Variants in NEK8 observed in about 807,000 individuals in gnomAD.
The protein encoded by NEK8 is NIMA related kinase 8.
Under a neutral mutation model 77.2 loss-of-function variants are expected in NEK8, and 51 were observed. The observed-to-expected ratio is 0.66, with a 90% CI of 0.53 to 0.83. The LOEUF (loss-of-function observed/expected upper bound fraction) is 0.83, where lower values mean the gene tolerates loss of function less well. NEK8 is among the 40% of genes least tolerant of loss of function. The probability of loss-of-function intolerance (pLI) is 0.00; values close to 1 mark genes in which losing one functional copy is unlikely to be tolerated. For missense variants in NEK8, 787 were observed against 909.2 expected (o/e 0.87, Z 1.73); for synonymous variants, 365 against 363.2 (o/e 1.00, Z -0.06).
Position 28,737,934 on chromosome 17 carries a change from C to G in NEK8, c.1005C>G (p.Val335=), listed in dbSNP as rs1307176107. ...TGCCAATGCTCAACACAGAGGTGGT[C>G]CAGGTGGCAGCTGGGCGCACGCAGA... The part of the protein sequence containing the change: ...LRLPMLNTEV[V]QVAAGRTQKA... The change falls in exon 7 of 15, where the codon GTC becomes GTG. Residue 335 remains valine, a synonymous_variant. Transcript: ENST00000268766. The surrounding 1 kb of genome is among the most constrained non-coding windows in gnomAD (Gnocchi z 4.8). 6.2e-7 allele frequency: 1 copy of G among 1,613,206 alleles called. No individual in the cohort carries two copies.
In NEK8 at chr17:28,740,887, A is replaced by T; in HGVS notation, c.1634A>T (p.Glu545Val). The change falls in exon 12 of 15, where the codon GAG becomes GTG. Residue 545 changes from glutamate (E) to valine (V), a missense_variant. Glu to Val is a moderately radical substitution (Grantham distance 121, BLOSUM62 -2). This residue lies in a region of NEK8 where 516 missense variants were observed against 544.0 expected (regional missense o/e 0.95). Coordinates refer to ENST00000268766, the MANE Select transcript of NEK8 (RefSeq NM_178170.3). This position sits in a 1 kb window ranked among gnomAD's most constrained non-coding sequence, Gnocchi z 4.7. Reference sequence around the variant, plus strand: ...GAGCCTGTCCCCCACCAGCAAGTGGAGGAGGCCCTGAGCTTCACACTACTA... The same window carrying T: ...GAGCCTGTCCCCCACCAGCAAGTGGTGGAGGCCCTGAGCTTCACACTACTA... ...GEEPVPHQQVEEALSFTLLGS... is the reference protein window; with the variant it reads ...GEEPVPHQQVVEALSFTLLGS... The T allele has an allele frequency of 6.2e-7, 1 of 1,614,006 alleles. No individual in the cohort carries two copies. Among genetic ancestry groups the T allele is most frequent in the East Asian group, 2.2e-5 (1 of 44,880 alleles).
intron 4 of NEK8, 140 bp downstream of exon 4, chr17:28,735,511 G>T: frequency 1.1e-6 from 1 of 927,874 alleles, no homozygotes; most frequent in Non-Finnish European, 1.6e-6. Flanking sequence ...AGGGCTATGG[G>T]TGTCCCTCAG....
intron 4 of NEK8, among the ~76,000 whole-genome samples, chr17:28,735,966 C>T (rs896751365): frequency 7.0e-6 from 1 of 142,536 alleles, no homozygotes; most frequent in African/African-American, 2.6e-5. Flanking sequence ...GTGATGTTCC[C>T]CTTCCTGTGT....
chr17:28,738,159 A>G lies in NEK8; in HGVS notation c.1136A>G (p.Gln379Arg). 6.2e-7 allele frequency: 1 copy of G among 1,614,102 alleles called. No homozygotes were observed. The highest frequency in any genetic ancestry group is 8.5e-7 in the Non-Finnish European group (1 of 1,179,970). The change falls in exon 8 of 15, where the codon CAG becomes CGG. Residue 379 changes from glutamine (Q) to arginine (R), a missense_variant. Coordinates refer to ENST00000268766, the MANE Select transcript of NEK8 (RefSeq NM_178170.3). ...LPGAVEQPQP[Q>R]FISRFLEGQS... ...GGGGCAGTGGAGCAGCCACAGCCCC[A>G]GTTCATCTCGCGTTTCCTGGAGGGC...
In NEK8 at chr17:28,733,987, GTGCACCTGTGCC is replaced by G. The variant is rs1222524120; in HGVS notation, c.56_67del (p.His19_Leu22del). ...CCCTGTCCTCCGTATCCCTAGGATT[GTGCACCTGTGCC>G]TGCGAAAGGCTGACCAGAAGCTGGT... On this transcript the variant is annotated inframe_deletion, in exon 2 of 15. Coordinates refer to ENST00000268766, the MANE Select transcript of NEK8 (RefSeq NM_178170.3). 1.9e-6 allele frequency: 3 copies of G among 1,613,998 alleles called. No homozygotes were observed. The highest frequency in any genetic ancestry group is 2.5e-6 in the Non-Finnish European group (3 of 1,179,982).
chr17:28,740,274 A>G lies in NEK8; in HGVS notation c.1418-189A>G, dbSNP rs929748012. ...ACTCCAGCCTTGGCGACAGAGTGAG[A>G]CTCAGTCTCGAAAAATAAAAATAAA... On this transcript the variant is annotated intron_variant, in intron 10 of 14. Transcript: ENST00000268766. The surrounding 1 kb of genome is among the most constrained non-coding windows in gnomAD (Gnocchi z 4.7). Among the ~76,000 whole-genome samples the G allele has an allele frequency of 6.6e-6, 1 of 152,112 alleles. No individual in the cohort carries two copies. Among genetic ancestry groups the G allele is most frequent in the Admixed American group, 6.5e-5 (1 of 15,276 alleles).
chr17:28,742,054 G>C lies in NEK8; in HGVS notation c.*67G>C. 1 of 1,475,342 alleles carries C rather than the reference G, an allele frequency of 6.8e-7. No homozygotes were observed. The highest frequency in any genetic ancestry group is 9.5e-7 in the Non-Finnish European group (1 of 1,053,376). 91.4% of individuals were successfully genotyped at this position (1,475,342 alleles called of 1,614,324 possible). ...CCTCTGAATGCTCTGAAAAGTGCAG[G>C]TGCCCAAGGCATGACTTGCAGCTGT... On this transcript the variant is annotated 3_prime_UTR_variant, in exon 15 of 15. Coordinates refer to ENST00000268766, the MANE Select transcript of NEK8 (RefSeq NM_178170.3).
Position 28,734,868 on chromosome 17 carries a change from A to C in NEK8, c.350A>C (p.His117Pro). ...HFFVQILLALHHVHTHLILHR... is the reference protein window; with the variant it reads ...HFFVQILLALPHVHTHLILHR... ...TTCGTGCAGATCCTGCTTGCACTGC[A>C]TCATGTGCACACCCACCTCATCCTG... The change falls in exon 3 of 15, where the codon CAT (histidine) becomes CCT (proline). Residue 117 changes from histidine (H) to proline (P), a missense_variant. His to Pro is a moderately conservative substitution (Grantham distance 77). This residue lies in a region of NEK8 where 271 missense variants were observed against 365.1 expected (regional missense o/e 0.74). Coordinates refer to ENST00000268766, the MANE Select transcript of NEK8 (RefSeq NM_178170.3). 1 of 1,613,884 alleles carries C rather than the reference A, an allele frequency of 6.2e-7. No homozygotes were observed. Among genetic ancestry groups the C allele is most frequent in the Non-Finnish European group, 8.5e-7 (1 of 1,179,976 alleles).
Position 28,739,198 on chromosome 17 carries a change from A to G in NEK8, c.1414A>G (p.Ser472Gly), listed in dbSNP as rs2034396792. 2 of 1,610,514 alleles carry G rather than the reference A, an allele frequency of 1.2e-6. No homozygotes were observed. The highest frequency in any genetic ancestry group is 1.7e-6 in the Non-Finnish European group (2 of 1,176,756). Residue 472 changes from serine (S) to glycine (G), a missense_variant, in exon 10 of 15, where the codon AGC becomes GGC. Physicochemically the swap from Ser to Gly is moderately conservative, Grantham distance 56 (BLOSUM62 0). Around this residue, in one of 2 missense-constraint regions of NEK8, gnomAD observed 516 missense variants for 544.0 expected, o/e 0.95. Coordinates refer to ENST00000268766, the MANE Select transcript of NEK8 (RefSeq NM_178170.3). The stretch of plus-strand genomic sequence containing the variant: ...ACTATTTGCCTGGGGCCGTGGAGAC[A>G]GCGGTAAGCTCCAGCCTTTAGGCCC... ...RELFAWGRGD[S>G]GRLGLGTRES...
chr17:28,734,728 A>T, intron 2 of NEK8, 44 bp from the exon 3 acceptor site: 1 of 1,317,172 alleles, frequency 7.6e-7, no homozygotes, highest in Non-Finnish European at 1.1e-6. Context: ...GGGTTGTCGT[A>T]GGTGTGAGAA....
At chr17:28,733,924 T>C (rs2034334637) in intron 1 of NEK8, 59 bp from the exon 2 acceptor site, 3 of 1,475,060 alleles carry the variant, frequency 2.0e-6, no homozygotes, top group African/African-American at 1.4e-5. Context: ...TGCACCGCCC[T>C]GCCTGATATG....
chr17:28,738,824 TG>T, intron 9 of NEK8, 77 bp downstream of exon 9: 4 of 1,198,250 alleles, frequency 3.3e-6, no homozygotes, highest in Non-Finnish European at 5.0e-6. Context: ...GACACCAGAT[TG>T]GGGGCAGGGG....
chr17:28,734,503 G>A (rs1264242369), intron 2 of NEK8: 10 of 557,774 alleles, frequency 1.8e-5, no homozygotes, highest in East Asian at 1.2e-4. Context: ...GGGAAACCCC[G>A]TCTCTACTAA....
rs749584601 is a variant in NEK8 at position 28,737,583 on chromosome 17, T to A, written c.827+69T>A. On this transcript the variant is annotated intron_variant, in intron 5 of 14. Coordinates refer to ENST00000268766, the MANE Select transcript of NEK8 (RefSeq NM_178170.3). The surrounding 1 kb of genome is among the most constrained non-coding windows in gnomAD (Gnocchi z 4.8). ...GCACCCAGTGGGAGCACAGGAGGTCTGAGGCAGAGGGAAACCTGGGGCAAG... is the reference window on the plus strand; with the variant it reads ...GCACCCAGTGGGAGCACAGGAGGTCAGAGGCAGAGGGAAACCTGGGGCAAG... The A allele has an allele frequency of 1.9e-6, 3 of 1,613,500 alleles. No homozygotes were observed. Among genetic ancestry groups the A allele is most frequent in the Non-Finnish European group, 2.5e-6 (3 of 1,179,696 alleles).
chr17:28,738,555 C>A, intron 8 of NEK8, 116 bp from the exon 9 acceptor site: 1 of 910,748 alleles, frequency 1.1e-6, no homozygotes, highest in Non-Finnish European at 1.8e-6. Context: ...CTATCCCATC[C>A]TTCCAGCCCT....
rs2034446055 is a variant in NEK8 at position 28,743,102 on chromosome 17, A to AAAAAAAT, written c.*1115_*1116insAAAAAAT. The stretch of plus-strand genomic sequence containing the variant: ...AAAAAAAAAAAAAAAAAAAAAAAAA[A>AAAAAAAT]GTATTTGGTGCTTACCGGGACTCTA... On this transcript the variant is annotated 3_prime_UTR_variant, in exon 15 of 15. Coordinates refer to ENST00000268766, the MANE Select transcript of NEK8 (RefSeq NM_178170.3). 1 of 146,794 alleles carries AAAAAAAT rather than the reference A, an allele frequency of 6.8e-6. No homozygotes were observed. Among genetic ancestry groups the AAAAAAAT allele is most frequent in the African/African-American group, 2.6e-5 (1 of 38,558 alleles). 9.1% of individuals were successfully genotyped at this position (146,794 alleles called of 1,614,324 possible). A position where few individuals can be genotyped will look rare whatever the true frequency, so the allele number is the denominator to read the frequency against.
intron 2 of NEK8, 188 bp downstream of exon 2, chr17:28,734,376 A>G (rs1352450219): frequency 3.2e-6 from 2 of 634,714 alleles, no homozygotes; most frequent in Non-Finnish European, 5.6e-6. Flanking sequence ...ACATAAAAGG[A>G]GAGGGGTTGT....
rs780241960 is a variant in NEK8, at chr17:28,738,170, C to G, written c.1147C>G (p.Arg383Gly). Residue 383 changes from arginine to glycine, a missense_variant, in exon 8 of 15, where the codon CGT (arginine) becomes GGT (glycine). By Grantham distance (125) the Arg-to-Gly change is moderately radical. Around this residue, in one of 2 missense-constraint regions of NEK8, gnomAD observed 516 missense variants for 544.0 expected, o/e 0.95. Coordinates refer to ENST00000268766, the MANE Select transcript of NEK8 (RefSeq NM_178170.3). ...GCAGCCACAGCCCCAGTTCATCTCG[C>G]GTTTCCTGGAGGGCCAGTCGGGTGT... is the stretch of plus-strand genomic sequence containing the variant. ...VEQPQPQFISRFLEGQSGVTI... is the reference protein window; with the variant it reads ...VEQPQPQFISGFLEGQSGVTI... 3 of 1,614,016 alleles carry G rather than the reference C, an allele frequency of 1.9e-6. No individual in the cohort carries two copies. The African/African-American group carries it at 4.0e-5, about 22-fold the overall frequency.
intron 4 of NEK8, among the ~76,000 whole-genome samples, chr17:28,736,967 CCA>C (rs1446508596): frequency 1.3e-5 from 2 of 152,146 alleles, no homozygotes; most frequent in Non-Finnish European, 2.9e-5. Context: ...AGGAAGGGAT[CCA>C]GTTTCAGCTT....
Sources: allele counts gnomAD v4.1 joint callset (sites outside exome capture counted in the v4.1 genomes callset), GRCh38; gene constraint gnomAD v4.1.1; regional missense constraint gnomAD v4.1.1; non-coding constraint Gnocchi (gnomAD v3.1); transcripts MANE v1.5; gene names NCBI Gene and HGNC (gene_info 2026-07-23, HGNC 2026-07-21).